Variants in NCOA3 observed in about 807,000 individuals in gnomAD.
The protein encoded by NCOA3 is CBP-interacting protein.
In NCOA3, 51 loss-of-function variants were observed where a neutral mutation model predicts 158.8. The ratio of observed to expected loss-of-function variants is 0.32; its 90% confidence interval spans 0.26 to 0.41. The LOEUF is 0.41. Ranked by LOEUF, NCOA3 falls within the 10% of genes least tolerant of loss-of-function variation. The pLI, the probability that NCOA3 is intolerant of heterozygous loss-of-function variation, is 1.00. For synonymous variants in NCOA3, 537 were observed against 592.4 expected, an observed-to-expected ratio of 0.91 and a Z score of 1.36; for missense variants, 1,510 against 1,746.6, an observed-to-expected ratio of 0.86 and a Z score of 2.41.
intron 1 of NCOA3, among the ~76,000 whole-genome samples, chr20:47,521,624 A>C (rs2084335199): frequency 6.6e-6 from 1 of 151,994 alleles, no homozygotes. Context: ...CAAGATGAAC[A>C]ATGAGTCAGG....
At chr20:47,635,775 A>G in intron 11 of NCOA3, 62 bp downstream of exon 11, 1 of 1,502,604 alleles carries the variant, frequency 6.7e-7, no homozygotes, top group South Asian at 1.3e-5. Flanking sequence ...TTTCCATACT[A>G]CTATAATTCT....
At chr20:47,512,617 A>G (rs1255114651) in intron 1 of NCOA3, among the ~76,000 whole-genome samples, 1 of 151,964 alleles carries the variant, frequency 6.6e-6, no homozygotes. Flanking sequence ...GAGACTTCAC[A>G]GAAAAAAGGT....
intron 1 of NCOA3, among the ~76,000 whole-genome samples, chr20:47,580,212 C>T (rs2085429285): frequency 6.6e-6 from 1 of 152,130 alleles, no homozygotes; most frequent in Admixed American, 6.6e-5. Context: ...CCACCTTCTA[C>T]ACGAGGCAGC....
At chr20:47,511,144 A>G (rs1485474387) in intron 1 of NCOA3, among the ~76,000 whole-genome samples, 1 of 152,074 alleles carries the variant, frequency 6.6e-6, no homozygotes, top group African/African-American at 2.4e-5. Context: ...GGTTTTGCCT[A>G]TAGAGATTGT....
intron 1 of NCOA3, among the ~76,000 whole-genome samples, chr20:47,519,588 C>T (rs1299558120): frequency 1.3e-5 from 2 of 151,958 alleles, no homozygotes; most frequent in East Asian, 3.9e-4. Flanking sequence ...GGAAATTAGT[C>T]TGAAAGACTG....
chr20:47,593,334 ATTTTTTT>A (rs71183267), intron 2 of NCOA3, among the ~76,000 whole-genome samples: 118 of 63,748 alleles, frequency 1.9e-3, no homozygotes, highest in Admixed American at 0.011. Context: ...GAGTTGATGG[ATTTTTTT>A]TTTTTTTTTT....
chr20:47,502,752 C>T (rs1264606713), intron 1 of NCOA3, among the ~76,000 whole-genome samples: 4 of 151,150 alleles, frequency 2.6e-5, no homozygotes, highest in African/African-American at 9.7e-5. Flanking sequence ...AACATCGACC[C>T]AGTTCGTCAT....
intron 10 of NCOA3, 93 bp from the exon 11 acceptor site, chr20:47,635,229 G>T (rs1228514169): frequency 1.0e-5 from 13 of 1,279,822 alleles, no homozygotes; most frequent in Non-Finnish European, 1.4e-5. Context: ...GTAGCTGGCT[G>T]GTTTTTTAAA....
intron 1 of NCOA3, among the ~76,000 whole-genome samples, chr20:47,511,556 T>TATATACACACACACATACACATATA (rs1569310943): frequency 3.3e-5 from 1 of 30,198 alleles, no homozygotes; most frequent in African/African-American, 6.5e-5. Flanking sequence ...TATATATATA[T>TATATACACACACACATACACATATA]TTCTTTTTTT....
At position 47,656,159 on chromosome 20, in the gene NCOA3, TATAA is replaced by T; in HGVS notation, c.*2748_*2751del. 6.8e-6 allele frequency: 1 copy of T among 147,268 alleles called. No individual in the cohort carries two copies. Among genetic ancestry groups the T allele is most frequent in the Non-Finnish European group, 1.5e-5 (1 of 66,908 alleles). 9.1% of individuals were successfully genotyped at this position (147,268 alleles called of 1,614,324 possible). ...TTTTTTTTTGCTGAATCCAAAGATA[TATAA>T]ATAAAATATATATATTTTATAAAGA... On this transcript the variant is annotated 3_prime_UTR_variant, in exon 23 of 23. Coordinates refer to ENST00000371998, the MANE Select transcript of NCOA3 (RefSeq NM_181659.3).
At position 47,651,116 on chromosome 20, in the gene NCOA3, G is replaced by GCAGCAGCAGCAGCAA. The variant is rs2086787028; in HGVS notation, c.3791_3792insGCAGCAGCAACAGCA (p.Gln1272_Gln1276dup). ...AACAGCAGCAGCAGCAGCAGCAGCA[G>GCAGCAGCAGCAGCAA]CAGCAACAGCAACAGCAACAGCAAC... is the stretch of plus-strand genomic sequence containing the variant. On this transcript the variant is annotated inframe_insertion, in exon 20 of 23. Transcript: ENST00000371998. 1 of 1,460,424 alleles carries GCAGCAGCAGCAGCAA rather than the reference G, an allele frequency of 6.8e-7. No homozygotes were observed. Among genetic ancestry groups the GCAGCAGCAGCAGCAA allele is most frequent in the South Asian group, 1.2e-5 (1 of 80,718 alleles). The allele number at this position is 1,460,424 out of a possible 1,614,324, so 90.5% of individuals were successfully genotyped here. A position where few individuals can be genotyped will look rare whatever the true frequency, so the allele number is the denominator to read the frequency against.
At chr20:47,629,362 CTG>C (rs2086376766) in intron 8 of NCOA3, among the ~76,000 whole-genome samples, 1 of 149,918 alleles carries the variant, frequency 6.7e-6, no homozygotes, top group Non-Finnish European at 1.5e-5. Context: ...GAGTTTTGCT[CTG>C]TCGTGCCCAG....
At chr20:47,565,044 C>T (rs978264942) in intron 1 of NCOA3, among the ~76,000 whole-genome samples, 11 of 152,132 alleles carry the variant, frequency 7.2e-5, no homozygotes, top group African/African-American at 2.2e-4. Context: ...TGCAGTGGCA[C>T]GATCTCGACT....
chr20:47,511,550 T>TATATATATATATATATATACATACAC, intron 1 of NCOA3, among the ~76,000 whole-genome samples: 9 of 52,260 alleles, frequency 1.7e-4, no homozygotes, highest in Admixed American at 3.2e-4. Context: ...TATATATATA[T>TATATATATATATATATATACATACAC]ATATATTTCT....
intron 10 of NCOA3, 57 bp downstream of exon 10, chr20:47,634,252 T>G: frequency 6.6e-7 from 1 of 1,519,534 alleles, no homozygotes; most frequent in Non-Finnish European, 8.9e-7. Context: ...CTCAAAATGC[T>G]TTATTATTAA....
Position 47,624,036 on chromosome 20 carries a change from C to T in NCOA3, c.209C>T (p.Ala70Val), listed in dbSNP as rs181661523. The T allele has an allele frequency of 3.3e-5, 53 of 1,611,818 alleles. 1 individual carries two copies. Among genetic ancestry groups the T allele is most frequent in the Admixed American group, 1.5e-4 (9 of 59,666 alleles). Reference protein sequence around the residue: ...DNFNVKPDKCAILKETVRQIR... With the variant: ...DNFNVKPDKCVILKETVRQIR... ...TTCAATGTCAAACCAGATAAATGTG[C>T]GATTTTAAAGGAAACAGTAAGACAG... Residue 70 changes from alanine (A) to valine (V), a missense_variant, in exon 4 of 23, where the codon GCG becomes GTG. By Grantham distance (64) the Ala-to-Val change is moderately conservative (BLOSUM62 0). Around this residue, in one of 4 missense-constraint regions of NCOA3, gnomAD observed 309 missense variants for 427.1 expected, o/e 0.72. Transcript: ENST00000371998.
At chr20:47,625,791 C>T (rs1307122534) in intron 5 of NCOA3, among the ~76,000 whole-genome samples, 1 of 152,050 alleles carries the variant, frequency 6.6e-6, no homozygotes, top group Non-Finnish European at 1.5e-5. Context: ...TATTTGGGTA[C>T]AAATGGCCCT....
intron 2 of NCOA3, among the ~76,000 whole-genome samples, chr20:47,620,293 G>T (rs936155766): frequency 1.3e-5 from 2 of 152,030 alleles, no homozygotes; most frequent in African/African-American, 2.4e-5. Context: ...AAAAAATTTT[G>T]TAGAGACAGG....
intron 1 of NCOA3, among the ~76,000 whole-genome samples, chr20:47,504,334 C>CTGT (rs780828695): frequency 1.3e-5 from 2 of 152,168 alleles, no homozygotes; most frequent in Non-Finnish European, 2.9e-5. Context: ...GAGTGAAGTA[C>CTGT]TGTTGTACGT....
Sources: gnomAD v4.1 joint callset for allele counts (sites outside exome capture counted in the v4.1 genomes callset) on GRCh38, gnomAD v4.1.1 for gene constraint, gnomAD v4.1.1 regional missense constraint, MANE v1.5 for transcripts, NCBI Gene and HGNC (gene_info 2026-07-23, HGNC 2026-07-21) for gene names.